EYS: variants seen among roughly 807,000 people sequenced by gnomAD.
EYS encodes the protein EGF-like photoreceptor maintenance factor.
Under a neutral mutation model 282.1 loss-of-function variants are expected in EYS, and 250 were observed. The observed-to-expected ratio is 0.89, with a 90% CI of 0.80 to 0.98. The LOEUF is 0.98. Ranked by LOEUF, EYS falls within the 50% of genes least tolerant of loss-of-function variation. The probability of loss-of-function intolerance (pLI) is 0.00; values close to 1 mark genes in which losing one functional copy is unlikely to be tolerated. For synonymous variants in EYS, 1,355 were observed against 1,282.9 expected (o/e 1.06, Z -1.20); for missense variants, 4,016 against 3,709.0 (o/e 1.08, Z -2.15).
intron 24 of EYS, among the ~76,000 whole-genome samples, chr6:64,603,979 C>G (rs1766843418): frequency 6.6e-6 from 1 of 151,234 alleles, no homozygotes; most frequent in South Asian, 2.1e-4. Context: ...TCTTTTCTTC[C>G]CTTATGACAA....
intron 26 of EYS, among the ~76,000 whole-genome samples, chr6:64,561,919 C>CAAA (rs57111776): frequency 0.014 from 1,188 of 87,150 alleles, 30 homozygotes; most frequent in African/African-American, 0.051. Context: ...CACATGGAAC[C>CAAA]AAAAAAAAAA....
At chr6:65,350,291 C>T (rs952585105) in intron 9 of EYS, among the ~76,000 whole-genome samples, 4 of 151,430 alleles carry the variant, frequency 2.6e-5, no homozygotes, top group Non-Finnish European at 5.9e-5. Context: ...GTTGATACAG[C>T]ATTTCCTATT....
chr6:65,255,320 C>G (rs967402888), intron 12 of EYS, among the ~76,000 whole-genome samples: 3 of 151,836 alleles, frequency 2.0e-5, no homozygotes, highest in African/African-American at 7.2e-5. Context: ...AATTGGACAT[C>G]CATTTTCAGA....
At chr6:63,757,486 C>CT (rs2149652642) in intron 41 of EYS, among the ~76,000 whole-genome samples, 1 of 152,084 alleles carries the variant, frequency 6.6e-6, no homozygotes, top group South Asian at 2.1e-4. Flanking sequence ...TGTGATCTTG[C>CT]TTTGCCCTTT....
At chr6:63,749,410 G>A (rs961939365) in intron 41 of EYS, among the ~76,000 whole-genome samples, 2 of 152,154 alleles carry the variant, frequency 1.3e-5, no homozygotes, top group Admixed American at 1.3e-4. Context: ...TGATTATGTG[G>A]TCAATTTTAG....
intron 13 of EYS, among the ~76,000 whole-genome samples, chr6:65,025,115 C>G (rs960935926): frequency 2.6e-5 from 4 of 152,090 alleles, no homozygotes; most frequent in South Asian, 4.1e-4. Context: ...AAAGATTATT[C>G]AATAGACTTT....
intron 1 of EYS, among the ~76,000 whole-genome samples, chr6:65,694,089 T>C (rs1242645440): frequency 1.3e-5 from 2 of 149,988 alleles, no homozygotes; most frequent in African/African-American, 4.9e-5. Context: ...AAATTATGTA[T>C]AATAACAAAA....
chr6:65,503,012 A>C (rs1015961641), intron 2 of EYS, among the ~76,000 whole-genome samples: 13 of 151,746 alleles, frequency 8.6e-5, no homozygotes, highest in African/African-American at 2.9e-4. Flanking sequence ...GAATGTAATA[A>C]ACTATACTTA....
At chr6:65,405,003 T>G (rs1331951843) in intron 6 of EYS, among the ~76,000 whole-genome samples, 171 bp downstream of exon 6, 2 of 151,954 alleles carry the variant, frequency 1.3e-5, no homozygotes, top group Admixed American at 6.6e-5. Context: ...AAGAGCAAAG[T>G]TTTTTCCTAT....
At chr6:65,344,011 A>G in intron 10 of EYS, 27 bp downstream of exon 10, 2 of 1,597,244 alleles carry the variant, frequency 1.3e-6, no homozygotes, top group Non-Finnish European at 1.7e-6. Context: ...GAGAAAAATG[A>G]AAAGCAACTA....
At chr6:64,322,085 T>A (rs1561928855) in intron 29 of EYS, among the ~76,000 whole-genome samples, 1 of 151,984 alleles carries the variant, frequency 6.6e-6, no homozygotes, top group Non-Finnish European at 1.5e-5. Context: ...AACAACTATT[T>A]ACTAAGCACA....
intron 30 of EYS, among the ~76,000 whole-genome samples, chr6:64,303,196 G>A (rs1769296655): frequency 6.6e-6 from 1 of 152,110 alleles, no homozygotes; most frequent in Admixed American, 6.5e-5. Flanking sequence ...TTCTAACATT[G>A]CAACTGCTTG....
chr6:65,621,135 C>G (rs978952160), intron 2 of EYS, among the ~76,000 whole-genome samples: 1 of 152,038 alleles, frequency 6.6e-6, no homozygotes, highest in African/African-American at 2.4e-5. Flanking sequence ...GTTGATCTGT[C>G]TAATGTTGAC....
At chr6:64,658,845 C>G (rs1768870619) in intron 22 of EYS, among the ~76,000 whole-genome samples, 1 of 152,162 alleles carries the variant, frequency 6.6e-6, no homozygotes. Context: ...AGAAAGGTAA[C>G]AAGGATATCC....
chr6:65,371,000 GA>G lies in EYS; in HGVS notation c.1299+13385del, dbSNP rs199688286. ...GAAGCCAGATGGCAATAATTGTCAA[GA>G]AAAAAAAAACACAGAAAGTGGAGAT... On this transcript the variant is annotated intron_variant, in intron 8 of 42. Coordinates refer to ENST00000503581, the MANE Select transcript of EYS (RefSeq NM_001142800.2). Among the ~76,000 whole-genome samples the G allele has an allele frequency of 6.7e-4, 100 of 148,554 alleles. 1 individual carries two copies. In the Middle Eastern group the frequency reaches 0.011, roughly 16 times the overall value.
chr6:65,456,391 A>C (rs1034275758), intron 5 of EYS, among the ~76,000 whole-genome samples: 1 of 151,668 alleles, frequency 6.6e-6, no homozygotes, highest in African/African-American at 2.4e-5. Context: ...CGGAGGTTGC[A>C]GTGAGTCGAG....
At chr6:64,408,045 T>A (rs572453266) in intron 28 of EYS, among the ~76,000 whole-genome samples, 14 of 152,174 alleles carry the variant, frequency 9.2e-5, no homozygotes, top group Non-Finnish European at 1.2e-4. Flanking sequence ...TATTTTTTTT[T>A]AAAAGGGAAT....
chr6:64,992,985 T>A (rs1488113686), intron 14 of EYS, among the ~76,000 whole-genome samples: 4 of 152,052 alleles, frequency 2.6e-5, no homozygotes, highest in Non-Finnish European at 4.4e-5. Context: ...GAGAAGGTCC[T>A]GGGAGCCACA....
intron 2 of EYS, among the ~76,000 whole-genome samples, chr6:65,572,739 A>G (rs774313857): frequency 9.9e-5 from 15 of 152,134 alleles, no homozygotes; most frequent in Non-Finnish European, 1.6e-4. Flanking sequence ...CCAACAATGC[A>G]TTTCTCAGAA....
Sources: allele counts gnomAD v4.1 joint callset (sites outside exome capture counted in the v4.1 genomes callset), GRCh38; gene constraint gnomAD v4.1.1; transcripts MANE v1.5; gene names NCBI Gene and HGNC (gene_info 2026-07-23, HGNC 2026-07-21).